Variants in ANKRD62 observed in about 807,000 individuals in gnomAD.
The protein encoded by ANKRD62 is ankyrin repeat domain-containing protein 62.
ANKRD62 carries 61 observed loss-of-function variants against 98.8 expected under a neutral mutation model. The observed-to-expected ratio is 0.62, with a 90% CI of 0.50 to 0.76. The LOEUF (loss-of-function observed/expected upper bound fraction) is 0.76. ANKRD62 is among the 30% of genes least tolerant of loss of function. The pLI, the probability that ANKRD62 is intolerant of heterozygous loss-of-function variation, is 0.00. For synonymous variants in ANKRD62, 341 were observed against 367.9 expected, an observed-to-expected ratio of 0.93 and a Z score of 0.84; for missense variants, 933 against 1,082.9, an observed-to-expected ratio of 0.86 and a Z score of 1.94.
intron 10 of ANKRD62, among the ~76,000 whole-genome samples, chr18:12,118,356 C>G (rs1324302745): frequency 3.3e-5 from 5 of 151,980 alleles, no homozygotes; most frequent in African/African-American, 1.2e-4. Flanking sequence ...GCCTGTAATC[C>G]CAGCACTTTT....
At chr18:12,131,180 A>AAC (rs1909998255), downstream of ANKRD62, among the ~76,000 whole-genome samples, 2 of 152,172 alleles carry the variant, frequency 1.3e-5, no homozygotes, top group South Asian at 2.1e-4. Flanking sequence ...TCCTTGACAT[A>AAC]TAATAGGGCT....
At chr18:12,116,001 A>G (rs1346112373) in intron 10 of ANKRD62, among the ~76,000 whole-genome samples, 1 of 152,096 alleles carries the variant, frequency 6.6e-6, no homozygotes, top group Non-Finnish European at 1.5e-5. Flanking sequence ...ACAATGCTCT[A>G]GCTTTATACT....
intron 6 of ANKRD62, chr18:12,102,219 A>G (rs1190564800): frequency 2.0e-5 from 16 of 803,882 alleles, no homozygotes; most frequent in Admixed American, 6.8e-5. Flanking sequence ...CCAAGGATTC[A>G]AATAAGCAGC....
the ANKRD62 span, among the ~76,000 whole-genome samples, chr18:12,177,267 G>C: frequency 6.6e-6 from 1 of 152,282 alleles, no homozygotes; most frequent in Non-Finnish European, 1.5e-5. Flanking sequence ...GTGAGGAACA[G>C]AGGATGATGT....
At chr18:12,169,462 T>G in the ANKRD62 span, among the ~76,000 whole-genome samples, 15 of 152,208 alleles carry the variant, frequency 9.9e-5, no homozygotes, top group South Asian at 4.2e-4. Context: ...TGAACCAGCC[T>G]TGCATCCCAG....
At chr18:12,151,797 T>A in the ANKRD62 span, among the ~76,000 whole-genome samples, 2 of 152,038 alleles carry the variant, frequency 1.3e-5, no homozygotes. Flanking sequence ...TTTGAAAAAT[T>A]TAATAAGATA....
intron 8 of ANKRD62, 123 bp downstream of exon 8, chr18:12,107,590 C>A: frequency 1.4e-6 from 1 of 727,728 alleles, no homozygotes; most frequent in Non-Finnish European, 1.9e-6. Context: ...TCTGCCTTGC[C>A]TGGTAATCAT....
chr18:12,110,907 T>G (rs1909523326), intron 8 of ANKRD62, among the ~76,000 whole-genome samples: 1 of 152,168 alleles, frequency 6.6e-6, no homozygotes, highest in Non-Finnish European at 1.5e-5. Flanking sequence ...AGATCTTTCT[T>G]TTTGATGTGA....
intron 8 of ANKRD62, among the ~76,000 whole-genome samples, chr18:12,111,339 G>A (rs1909534356): frequency 6.6e-6 from 1 of 151,804 alleles, no homozygotes; most frequent in African/African-American, 2.4e-5. Flanking sequence ...AATAGATTCA[G>A]AAATGTCTTT....
Position 12,122,488 on chromosome 18 carries a change from C to A in ANKRD62, c.1426C>A (p.Gln476Lys). 1 of 1,522,870 alleles carries A rather than the reference C, an allele frequency of 6.6e-7. No individual in the cohort carries two copies. Among genetic ancestry groups the A allele is most frequent in the Admixed American group, 2.1e-5 (1 of 47,506 alleles). 94.3% of individuals were successfully genotyped at this position (1,522,870 alleles called of 1,614,324 possible). A position where few individuals can be genotyped will look rare whatever the true frequency, so the allele number is the denominator to read the frequency against. The change falls in exon 11 of 14, where the codon CAA becomes AAA. Residue 476 changes from glutamine to lysine, a missense_variant. Gln to Lys is a moderately conservative substitution (Grantham distance 53). Transcript: ENST00000587848. ...ATCACAGTCAGAGCATCAGAATCTT[C>A]AAGGGAAAAAAAAGCTCTGTAATTT... ...TKSQSEHQNL[Q>K]GKKKLCNLRF...
At chr18:12,115,709 A>T (rs769709189) in intron 10 of ANKRD62, among the ~76,000 whole-genome samples, 175 bp downstream of exon 10, 6 of 152,152 alleles carry the variant, frequency 3.9e-5, no homozygotes, top group Non-Finnish European at 7.4e-5. Context: ...TTAGCCAAAG[A>T]GCTGTGATCA....
downstream of ANKRD62, among the ~76,000 whole-genome samples, chr18:12,133,798 C>A (rs1199035642): frequency 6.6e-6 from 1 of 151,958 alleles, no homozygotes; most frequent in Non-Finnish European, 1.5e-5. Flanking sequence ...TTTTCATAAA[C>A]TTTGTTCTAA....
intron 6 of ANKRD62, chr18:12,102,320 C>T (rs1598731004): frequency 1.4e-6 from 1 of 702,818 alleles, no homozygotes; most frequent in Admixed American, 1.9e-5. Flanking sequence ...GGCTTGGTGA[C>T]AAGCCAATGT....
At chr18:12,168,579 G>A in the ANKRD62 span, among the ~76,000 whole-genome samples, 36 of 152,288 alleles carry the variant, frequency 2.4e-4, no homozygotes, top group East Asian at 6.2e-3. Flanking sequence ...GATGCCTTCA[G>A]CTTTGTTCTT....
At chr18:12,169,767 C>CT in the ANKRD62 span, among the ~76,000 whole-genome samples, 1 of 152,130 alleles carries the variant, frequency 6.6e-6, no homozygotes, top group African/African-American at 2.4e-5. Flanking sequence ...TGGTCCTGGA[C>CT]TTTTTTTGGT....
chr18:12,166,207 A>G, the ANKRD62 span, among the ~76,000 whole-genome samples: 1 of 152,042 alleles, frequency 6.6e-6, no homozygotes, highest in African/African-American at 2.4e-5. Context: ...CTCAGATATT[A>G]TTCTTTTGAA....
chr18:12,162,555 C>G, the ANKRD62 span, among the ~76,000 whole-genome samples: 10 of 151,864 alleles, frequency 6.6e-5, no homozygotes, highest in Non-Finnish European at 8.8e-5. Flanking sequence ...TGCTTTGGTT[C>G]CCTGTGCTTT....
chr18:12,172,555 T>G, the ANKRD62 span, among the ~76,000 whole-genome samples: 1 of 152,212 alleles, frequency 6.6e-6, no homozygotes, highest in African/African-American at 2.4e-5. Flanking sequence ...TGCCTCTCAA[T>G]TAGGCTACTC....
the ANKRD62 span, among the ~76,000 whole-genome samples, chr18:12,159,707 G>A: frequency 6.6e-6 from 1 of 152,168 alleles, no homozygotes; most frequent in Non-Finnish European, 1.5e-5. Context: ...GACAGCACAT[G>A]AGCTAAGCAT....
Sources: gnomAD v4.1 joint callset for allele counts (sites outside exome capture counted in the v4.1 genomes callset) on GRCh38, gnomAD v4.1.1 for gene constraint, MANE v1.5 for transcripts, NCBI Gene and HGNC (gene_info 2026-07-23, HGNC 2026-07-21) for gene names.